PCNT: variants seen among roughly 807,000 people sequenced by gnomAD.
The protein encoded by PCNT is pericentrin, also known as kendrin.
A neutral mutation model predicts 380.4 loss-of-function variants in PCNT; 319 were observed. That is an observed-to-expected ratio of 0.84 (90% confidence interval 0.77 to 0.92). The LOEUF is 0.92. PCNT is among the 40% of genes least tolerant of loss of function. The probability of loss-of-function intolerance (pLI) is 0.00; values close to 1 mark genes in which losing one functional copy is unlikely to be tolerated. For missense variants in PCNT, 4,400 were observed against 4,255.3 expected (o/e 1.03, Z -0.95); for synonymous variants, 1,845 against 1,735.2 (o/e 1.06, Z -1.57).
At chr21:46,440,774 G>A (rs2148091602) in intron 42 of PCNT, 81 bp from the exon 43 acceptor site, 2 of 868,940 alleles carry the variant, frequency 2.3e-6, no homozygotes, top group South Asian at 1.3e-5. Flanking sequence ...TCTTTGGAAA[G>A]AGCAATGGTG....
At chr21:46,384,989 C>A (rs1204559120) in intron 16 of PCNT, among the ~76,000 whole-genome samples, 2 of 152,210 alleles carry the variant, frequency 1.3e-5, no homozygotes, top group African/African-American at 2.4e-5. Context: ...TATTGTGCAG[C>A]CATCACCACC....
chr21:46,331,428 C>T (rs761602914), intron 2 of PCNT, among the ~76,000 whole-genome samples: 5 of 152,278 alleles, frequency 3.3e-5, no homozygotes, highest in East Asian at 1.9e-4. Context: ...ATTCAGGATT[C>T]GGCTCTGTTG....
At chr21:46,365,388 T>TGGGGTTCTGA (rs2084873759) in intron 14 of PCNT, among the ~76,000 whole-genome samples, 2 of 113,032 alleles carry the variant, frequency 1.8e-5, no homozygotes, top group African/African-American at 3.2e-5. Context: ...TGGGGTTCTG[T>TGGGGTTCTGA]TCACTGCCGT....
chr21:46,342,212 T>G (rs887179241), intron 3 of PCNT, among the ~76,000 whole-genome samples: 3 of 151,956 alleles, frequency 2.0e-5, no homozygotes, highest in Non-Finnish European at 2.9e-5. Flanking sequence ...GCTTAAGTGA[T>G]TCTCCTGCCT....
At chr21:46,354,206 C>T (rs140844197) in intron 11 of PCNT, 138 bp downstream of exon 11, 95 of 783,436 alleles carry the variant, frequency 1.2e-4, no homozygotes, top group African/African-American at 8.7e-4. Flanking sequence ...GATGCTGCCC[C>T]GACCTCACTG....
chr21:46,426,971 C>T (rs998486719), intron 33 of PCNT, among the ~76,000 whole-genome samples: 1 of 152,218 alleles, frequency 6.6e-6, no homozygotes, highest in Non-Finnish European at 1.5e-5. Flanking sequence ...CCCGCCTCCG[C>T]TCGCCCCTCC....
chr21:46,419,990 C>T (rs917148796), intron 31 of PCNT, among the ~76,000 whole-genome samples: 2 of 152,330 alleles, frequency 1.3e-5, no homozygotes, highest in East Asian at 1.9e-4. Flanking sequence ...AGAACTTCCT[C>T]GTCTCCCTGG....
chr21:46,371,695 G>T (rs1463498176), intron 15 of PCNT, among the ~76,000 whole-genome samples: 2 of 152,196 alleles, frequency 1.3e-5, no homozygotes, highest in African/African-American at 4.8e-5. Context: ...CTGCATTTAA[G>T]CAGCAAGGTC....
In PCNT at chr21:46,445,363, T is replaced by C; in HGVS notation, c.*36T>C. On this transcript the variant is annotated 3_prime_UTR_variant, in exon 47 of 47. Coordinates refer to ENST00000359568, the MANE Select transcript of PCNT (RefSeq NM_006031.6). ...ATGGCTCTTTCCTGCGACAATTCTA[T>C]TTGAGGAAAAGATTTGTTTTTCCCT... 6.6e-7 allele frequency: 1 copy of C among 1,522,776 alleles called. No homozygotes were observed. Among genetic ancestry groups the C allele is most frequent in the Admixed American group, 1.7e-5 (1 of 59,920 alleles). The allele number at this position is 1,522,776 out of a possible 1,614,324, so 94.3% of individuals were successfully genotyped here.
intron 13 of PCNT, among the ~76,000 whole-genome samples, chr21:46,360,455 C>G (rs1196986962): frequency 6.8e-6 from 1 of 147,546 alleles, no homozygotes; most frequent in African/African-American, 2.5e-5. Flanking sequence ...GATCTCCTGA[C>G]CTCGTGATCC....
chr21:46,400,512 CTTTTTTTTTTTTTTT>C (rs1215264897), intron 25 of PCNT, among the ~76,000 whole-genome samples: 1 of 84,542 alleles, frequency 1.2e-5, no homozygotes, highest in African/African-American at 4.6e-5. Context: ...GTGTCTGATT[CTTTTTTTTTTTTTTT>C]TTTTTTTTTG....
chr21:46,363,822 G>T lies in PCNT; in HGVS notation c.2497G>T (p.Ala833Ser), dbSNP rs146717358. The T allele has an allele frequency of 3.1e-6, 5 of 1,612,360 alleles. No homozygotes were observed. The African/African-American group carries it at 4.0e-5, about 13-fold the overall frequency. Residue 833 changes from alanine to serine, a missense_variant, in exon 14 of 47, where the codon GCC becomes TCC. By Grantham distance (99) the Ala-to-Ser change is moderately conservative. Coordinates refer to ENST00000359568, the MANE Select transcript of PCNT (RefSeq NM_006031.6). ...GGAACAGGACCTCACTTCAGACGAC[G>T]CCCTGCATTGCAGCCAGTGTGGGCG... Reference protein sequence around the residue: ...QLEQDLTSDDALHCSQCGREP... With the variant: ...QLEQDLTSDDSLHCSQCGREP...
intron 12 of PCNT, 91 bp from the exon 13 acceptor site, chr21:46,356,883 T>C: frequency 9.6e-7 from 1 of 1,037,822 alleles, no homozygotes; most frequent in Admixed American, 1.8e-5. Context: ...GTCAGAAGCA[T>C]TTATAGGTTG....
chr21:46,416,926 C>T, intron 30 of PCNT, 87 bp downstream of exon 30: 1 of 1,352,932 alleles, frequency 7.4e-7, no homozygotes, highest in Non-Finnish European at 1.0e-6. Context: ...GTTTGTTCAC[C>T]TCCTGACAGC....
At chr21:46,326,146 C>A (rs1343074683) in intron 1 of PCNT, among the ~76,000 whole-genome samples, 1 of 152,172 alleles carries the variant, frequency 6.6e-6, no homozygotes, top group Non-Finnish European at 1.5e-5. Context: ...TGCCAATCAG[C>A]CGTATGGTTT....
At chr21:46,436,948 T>C in intron 39 of PCNT, 31 bp from the exon 40 acceptor site, 1 of 1,501,352 alleles carries the variant, frequency 6.7e-7, no homozygotes, top group Non-Finnish European at 9.3e-7. Context: ...GGGGCGCGTA[T>C]GCAACTTTGA....
intron 31 of PCNT, among the ~76,000 whole-genome samples, chr21:46,420,394 G>T (rs1683404168): frequency 6.6e-6 from 1 of 152,188 alleles, no homozygotes; most frequent in South Asian, 2.1e-4. Flanking sequence ...TGTGCTGAGT[G>T]TTCTGTTTCT....
Position 46,375,164 on chromosome 21 carries a change from T to C in PCNT, c.3166-6530T>C, listed in dbSNP as rs538363601. Among the ~76,000 whole-genome samples the C allele has an allele frequency of 5.9e-5, 9 of 152,098 alleles. No individual in the cohort carries two copies. In the South Asian group the frequency reaches 1.9e-3, roughly 31 times the overall value. On this transcript the variant is annotated intron_variant, in intron 15 of 46. Transcript: ENST00000359568. ...TGTATCCCATAAGATTCCCCTGCCC[T>C]GCCCTGCCCCGCCTGTGCTGGTAAC...
At chr21:46,378,344 ACT>A (rs2085398916) in intron 15 of PCNT, among the ~76,000 whole-genome samples, 1 of 151,760 alleles carries the variant, frequency 6.6e-6, no homozygotes, top group African/African-American at 2.4e-5. Flanking sequence ...GAAAGGCATC[ACT>A]CTATGGTGTC....
Sources: gnomAD v4.1 joint callset for allele counts (sites outside exome capture counted in the v4.1 genomes callset) on GRCh38, gnomAD v4.1.1 for gene constraint, MANE v1.5 for transcripts, NCBI Gene and HGNC (gene_info 2026-07-23, HGNC 2026-07-21) for gene names.